DCAF8L2: variants seen among roughly 807,000 people sequenced by gnomAD.
DCAF8L2 encodes DDB1- and CUL4-associated factor 8-like protein 2.
For synonymous variants in DCAF8L2, 200 were observed against 190.9 expected, an observed-to-expected ratio of 1.05 and a Z score of -0.39; for missense variants, 430 against 490.7, an observed-to-expected ratio of 0.88 and a Z score of 1.17.
chrX:27,546,360 C>T, the DCAF8L2 span, among the ~76,000 whole-genome samples: 8 of 111,850 alleles, frequency 7.2e-5, no homozygotes, highest in Non-Finnish European at 1.1e-4. Flanking sequence ...TATGGGCTGG[C>T]GTTGAGTGTC....
At chrX:27,523,409 AGTGTGTGTGTGTGTGTGT>A in the DCAF8L2 span, among the ~76,000 whole-genome samples, 8 of 96,533 alleles carry the variant, frequency 8.3e-5, no homozygotes, top group Admixed American at 9.4e-4. Context: ...CTGTCTACTG[AGTGTGTGTGTGTGTGTGT>A]GTGTGTGTGT....
intron 4 of DCAF8L2, among the ~76,000 whole-genome samples, chrX:27,741,060 T>G (rs1465616029): frequency 9.0e-6 from 1 of 111,672 alleles, no homozygotes; most frequent in Admixed American, 9.5e-5. Flanking sequence ...ATAAAGTGAA[T>G]CGATGATATG....
At position 27,681,668 on chromosome X, in the gene DCAF8L2, G is replaced by T. The variant is rs186218769; in HGVS notation, c.-143+3756G>T. Among the ~76,000 whole-genome samples the T allele has an allele frequency of 4.7e-4, 53 of 111,783 alleles. 2 individuals carry two copies. The East Asian group carries it at 0.014, about 29-fold the overall frequency. ...GGATTAAAATTATATTGTCGTAGCT[G>T]AAGTAATATATCGATTCTATGAACA... is the stretch of plus-strand genomic sequence containing the variant. On this transcript the variant is annotated intron_variant, in intron 3 of 4. Transcript: ENST00000451261.
chrX:27,580,711 T>C, the DCAF8L2 span, among the ~76,000 whole-genome samples: 1 of 111,524 alleles, frequency 9.0e-6, no homozygotes, highest in East Asian at 2.8e-4. Flanking sequence ...GAAAAGGTGG[T>C]TCCAGTGGAA....
At chrX:27,738,921 C>G (rs911125247) in intron 4 of DCAF8L2, among the ~76,000 whole-genome samples, 1 of 111,071 alleles carries the variant, frequency 9.0e-6, no homozygotes, top group African/African-American at 3.3e-5. Context: ...AATAACCTGC[C>G]TGCCTCCATG....
intron 1 of DCAF8L2, among the ~76,000 whole-genome samples, chrX:27,613,211 A>G (rs1375577003): frequency 9.0e-6 from 1 of 111,184 alleles, no homozygotes; most frequent in African/African-American, 3.3e-5. Context: ...TCTTTGTAGC[A>G]ATTGTGAATG....
rs185360210 is a variant in DCAF8L2, at chrX:27,655,737, C to A, written c.-219-22099C>A. On this transcript the variant is annotated intron_variant, in intron 2 of 4. Transcript: ENST00000451261. ...CAGTTTTATCATGTAGTCGTTGATA[C>A]CAAAACTCACTAACTATTCCAGCTT... is the stretch of plus-strand genomic sequence containing the variant. 5.4e-5 allele frequency among the ~76,000 whole-genome samples: 6 copies of A among 111,281 alleles called. No homozygotes were observed. The East Asian group carries it at 1.7e-3, about 31-fold the overall frequency.
chrX:27,517,949 G>T, the DCAF8L2 span: 11 of 1,196,296 alleles, frequency 9.2e-6, no homozygotes, highest in East Asian at 5.9e-5. Flanking sequence ...GTGAGGTCTG[G>T]TTTTTTTGGG....
chrX:27,550,029 A>G, the DCAF8L2 span, among the ~76,000 whole-genome samples: 1 of 111,812 alleles, frequency 8.9e-6, no homozygotes, highest in Non-Finnish European at 1.9e-5. Flanking sequence ...CTTTCTCTCC[A>G]ATGCTGATGC....
Position 27,748,725 on chromosome X carries a change from G to T in DCAF8L2, c.1830G>T (p.Glu610Asp), listed in dbSNP as rs1471631930. 1.7e-5 allele frequency: 20 copies of T among 1,200,454 alleles called. No homozygotes were observed. The highest frequency in any genetic ancestry group is 2.3e-5 in the Non-Finnish European group (20 of 888,609). ...EAEFPDEESD[E>D]SSSTSETSEE... ...AATTTCCAGATGAAGAATCGGATGA[G>T]TCTTCCAGCACTTCAGAGACATCTG... Residue 610 changes from glutamate (E) to aspartate (D), a missense_variant, in exon 5 of 5, where the codon GAG becomes GAT. Coordinates refer to ENST00000451261, the MANE Select transcript of DCAF8L2 (RefSeq NM_001353450.2).
chrX:27,717,167 T>A (rs775653851), intron 4 of DCAF8L2, among the ~76,000 whole-genome samples: 8 of 112,718 alleles, frequency 7.1e-5, no homozygotes, highest in Non-Finnish European at 1.5e-4. Context: ...GTGTCCTTGC[T>A]ATTGTGAATA....
intron 3 of DCAF8L2, among the ~76,000 whole-genome samples, chrX:27,688,400 G>T (rs931279331): frequency 1.8e-5 from 2 of 111,926 alleles, no homozygotes; most frequent in Admixed American, 9.5e-5. Flanking sequence ...TAACTTGAAG[G>T]CTAGGTCTGT....
chrX:27,665,762 A>G (rs1239030687), intron 2 of DCAF8L2, among the ~76,000 whole-genome samples: 1 of 112,057 alleles, frequency 8.9e-6, no homozygotes, highest in Non-Finnish European at 1.9e-5. Context: ...ACCCTCCACC[A>G]GCAAAAAGAT....
chrX:27,567,554 T>TATAC, the DCAF8L2 span, among the ~76,000 whole-genome samples: 3 of 82,991 alleles, frequency 3.6e-5, no homozygotes, highest in African/African-American at 1.4e-4. Flanking sequence ...AGCATATATA[T>TATAC]ATATATATAT....
intron 1 of DCAF8L2, among the ~76,000 whole-genome samples, chrX:27,593,930 A>C (rs752268295): frequency 1.8e-5 from 2 of 112,482 alleles, no homozygotes; most frequent in East Asian, 5.6e-4. Context: ...TCATTAAAAA[A>C]GCTTGAAAGC....
intron 3 of DCAF8L2, among the ~76,000 whole-genome samples, chrX:27,687,418 A>G (rs762351054): frequency 3.6e-5 from 4 of 112,352 alleles, no homozygotes; most frequent in African/African-American, 1.3e-4. Context: ...AGAGAAACTA[A>G]TATCAACAAC....
In DCAF8L2 at chrX:27,749,531, A is replaced by G. The variant is rs1217757295; in HGVS notation, c.*740A>G. ...TAATAATTTTGAAAAATTTGAGTAC[A>G]CTGTAGCTGGTAAGAACTAAATTAA... is the stretch of plus-strand genomic sequence containing the variant. On this transcript the variant is annotated 3_prime_UTR_variant, in exon 5 of 5. Coordinates refer to ENST00000451261, the MANE Select transcript of DCAF8L2 (RefSeq NM_001353450.2). Among the ~76,000 whole-genome samples, 1 of 111,948 alleles carries G rather than the reference A, an allele frequency of 8.9e-6. No homozygotes were observed. The highest frequency in any genetic ancestry group is 1.9e-5 in the Non-Finnish European group (1 of 53,185).
At chrX:27,565,940 G>A in the DCAF8L2 span, among the ~76,000 whole-genome samples, 1 of 110,797 alleles carries the variant, frequency 9.0e-6, no homozygotes, top group African/African-American at 3.3e-5. Flanking sequence ...GTGGATTTCT[G>A]ACAGCTCCAC....
At chrX:27,527,861 A>C in the DCAF8L2 span, among the ~76,000 whole-genome samples, 1 of 108,961 alleles carries the variant, frequency 9.2e-6, no homozygotes, top group Non-Finnish European at 1.9e-5. Context: ...CATGTTGGTC[A>C]GGCTGGTCTC....
Sources: gnomAD v4.1 joint callset for allele counts (sites outside exome capture counted in the v4.1 genomes callset) on GRCh38, gnomAD v4.1.1 for gene constraint, MANE v1.5 for transcripts, NCBI Gene and HGNC (gene_info 2026-07-23, HGNC 2026-07-21) for gene names.